Variants in TMPO observed in about 807,000 individuals in gnomAD.
TMPO encodes LEM domain containing 4.
A neutral mutation model predicts 45.4 loss-of-function variants in TMPO; 22 were observed. That is an observed-to-expected ratio of 0.48 (90% CI 0.35 to 0.69). The LOEUF (loss-of-function observed/expected upper bound fraction) is 0.69. Among genes scored for constraint, TMPO ranks in the 30% least tolerant of loss-of-function variants. The pLI, the probability that TMPO is intolerant of heterozygous loss-of-function variation, is 0.01. For synonymous variants in TMPO, 241 were observed against 204.1 expected, an observed-to-expected ratio of 1.18 and a Z score of -1.54; for missense variants, 512 against 548.8, an observed-to-expected ratio of 0.93 and a Z score of 0.67.
chr12:98,533,146 C>T, intron 3 of TMPO: 1 of 1,614,136 alleles, frequency 6.2e-7, no homozygotes, highest in Non-Finnish European at 8.5e-7. Context: ...GTCATCTTCT[C>T]AGCCTGAACA....
In TMPO at chr12:98,544,871, A is replaced by G. The variant is rs1878128196; in HGVS notation, c.880-80A>G. 2.5e-6 allele frequency: 3 copies of G among 1,178,832 alleles called. No individual in the cohort carries two copies. The Admixed American group carries it at 5.1e-5, about 20-fold the overall frequency. 73.0% of individuals were successfully genotyped at this position (1,178,832 alleles called of 1,614,324 possible). On this transcript the variant is annotated intron_variant, in intron 6 of 8. Coordinates refer to ENST00000556029, the MANE Select transcript of TMPO (RefSeq NM_001032283.3). ...AGGGAAAATTTCTAATATTACAGAG[A>G]TAAAATATCTTTCTTTTCTTTTTAA...
intron 1 of TMPO, among the ~76,000 whole-genome samples, chr12:98,518,388 C>T (rs760408809): frequency 1.2e-4 from 18 of 151,680 alleles, no homozygotes; most frequent in Non-Finnish European, 7.4e-5. Flanking sequence ...AACTCTTTGG[C>T]TCACGAGAGC....
At chr12:98,544,713 A>G (rs1056460574) in intron 6 of TMPO, 176 bp downstream of exon 6, 9 of 653,320 alleles carry the variant, frequency 1.4e-5, no homozygotes, top group South Asian at 3.9e-5. Flanking sequence ...ATAATATCCA[A>G]TTTATGTAAA....
chr12:98,518,873 T>G (rs1253626626), intron 1 of TMPO, among the ~76,000 whole-genome samples: 1 of 149,242 alleles, frequency 6.7e-6, no homozygotes, highest in African/African-American at 2.4e-5. Flanking sequence ...AAATAAGTTT[T>G]GAGTAAAATG....
At chr12:98,545,463 G>A (rs537313312) in intron 7 of TMPO, among the ~76,000 whole-genome samples, 6 of 152,266 alleles carry the variant, frequency 3.9e-5, no homozygotes, top group African/African-American at 1.2e-4. Context: ...GCTGGAATGG[G>A]TTAACTCCTG....
chr12:98,519,370 T>G (rs1876152728), intron 1 of TMPO, among the ~76,000 whole-genome samples: 1 of 152,136 alleles, frequency 6.6e-6, no homozygotes, highest in Admixed American at 6.6e-5. Context: ...GGCTAATTTT[T>G]GTATTTTTAG....
intron 3 of TMPO, chr12:98,533,701 C>T: frequency 6.2e-7 from 1 of 1,614,166 alleles, no homozygotes; most frequent in African/African-American, 1.3e-5. Flanking sequence ...GCAATCACAG[C>T]ATGATAAAAT....
intron 3 of TMPO, chr12:98,533,813 A>G (rs1263771268): frequency 3.7e-6 from 6 of 1,614,240 alleles, no homozygotes; most frequent in Admixed American, 1.7e-5. Context: ...CTGGCATGCA[A>G]ATATCCAGTT....
rs1459534403 is a variant in TMPO at position 98,516,140 on chromosome 12, C to A, written c.273C>A (p.Val91=). The A allele has an allele frequency of 1.4e-6, 2 of 1,460,432 alleles. No individual in the cohort carries two copies. Among genetic ancestry groups the A allele is most frequent in the African/African-American group, 2.9e-5 (2 of 67,852 alleles). 90.5% of individuals were successfully genotyped at this position (1,460,432 alleles called of 1,614,324 possible). The stretch of plus-strand genomic sequence containing the variant: ...CCGCGGGCCGGAGCCGAGCAGCCGT[C>A]GGCAGGGTAAGGACGCGGGGCCGGG... ...AAAAGRSRAA[V]GRKATKKTDK... The change falls in exon 1 of 9, where the codon GTC becomes GTA. Residue 91 remains valine, a synonymous_variant. Coordinates refer to ENST00000556029, the MANE Select transcript of TMPO (RefSeq NM_001032283.3).
intron 1 of TMPO, among the ~76,000 whole-genome samples, chr12:98,525,253 T>C (rs1876678323): frequency 6.6e-6 from 1 of 152,140 alleles, no homozygotes; most frequent in South Asian, 2.1e-4. Context: ...GTCAGTGCAA[T>C]GTATGTGAAT....
At chr12:98,527,610 C>T in intron 1 of TMPO, 1 of 271,542 alleles carries the variant, frequency 3.7e-6, no homozygotes, top group Non-Finnish European at 6.9e-6. Context: ...ATTTTTGATG[C>T]CATTACTATC....
chr12:98,548,002 A>AAT lies in TMPO; in HGVS notation c.*152_*153dup, dbSNP rs1464854331. The AAT allele has an allele frequency of 2.2e-6, 2 of 901,508 alleles. No homozygotes were observed. The highest frequency in any genetic ancestry group is 5.1e-5 in the East Asian group (2 of 39,284). 55.8% of individuals were successfully genotyped at this position (901,508 alleles called of 1,614,324 possible). A position where few individuals can be genotyped will look rare whatever the true frequency, so the allele number is the denominator to read the frequency against. ...TAGTATTTCATTGAAAAGCAAACAAAATATATATAAATGGACTTCATTAAA... is the reference window on the plus strand; with the variant it reads ...TAGTATTTCATTGAAAAGCAAACAAAATATATATATAAATGGACTTCATTAAA... On this transcript the variant is annotated 3_prime_UTR_variant, in exon 9 of 9. Coordinates refer to ENST00000556029, the MANE Select transcript of TMPO (RefSeq NM_001032283.3).
rs182562849 is a variant in TMPO at position 98,523,857 on chromosome 12, G to A, written c.280-4029G>A. Among the ~76,000 whole-genome samples the A allele has an allele frequency of 2.4e-3, 363 of 152,110 alleles. 4 individuals are homozygous for A. Among genetic ancestry groups the A allele is most frequent in the African/African-American group, 8.4e-3 (349 of 41,506 alleles). On this transcript the variant is annotated intron_variant, in intron 1 of 8. Transcript: ENST00000556029. Reference sequence around the variant, plus strand: ...CACCTGGCTAATTTTTGTATTTTTAGTAGAGATGGGGTTTCACCGTGTTGG... The same window carrying A: ...CACCTGGCTAATTTTTGTATTTTTAATAGAGATGGGGTTTCACCGTGTTGG...
At chr12:98,516,455 G>A (rs1875833850) in intron 1 of TMPO, 2 of 1,143,566 alleles carry the variant, frequency 1.7e-6, no homozygotes, top group East Asian at 8.8e-5. Context: ...TGCAGCGGGC[G>A]TTTAGACGGG....
rs1876884880 is a variant in TMPO, at chr12:98,527,726, C to A, written c.280-160C>A. 6 of 715,398 alleles carry A rather than the reference C, an allele frequency of 8.4e-6. No individual in the cohort carries two copies. The South Asian group carries it at 8.7e-5, about 10-fold the overall frequency. The allele number at this position is 715,398 out of a possible 1,614,324, so 44.3% of individuals were successfully genotyped here. The stretch of plus-strand genomic sequence containing the variant: ...ATTACAGTTCAACTTAGAAAGTGTT[C>A]TCCAATAATGAGTTGCTCTTAATTT... On this transcript the variant is annotated intron_variant, in intron 1 of 8. Coordinates refer to ENST00000556029, the MANE Select transcript of TMPO (RefSeq NM_001032283.3).
At chr12:98,526,918 G>A (rs533198168) in intron 1 of TMPO, among the ~76,000 whole-genome samples, 1 of 151,582 alleles carries the variant, frequency 6.6e-6, no homozygotes, top group Non-Finnish European at 1.5e-5. Context: ...AGATTGCACC[G>A]CTGCGCTCCA....
chr12:98,525,605 G>A (rs1231107146), intron 1 of TMPO, among the ~76,000 whole-genome samples: 1 of 152,020 alleles, frequency 6.6e-6, no homozygotes, highest in Non-Finnish European at 1.5e-5. Flanking sequence ...GCCGGGCGTG[G>A]TGGTGCACAC....
At chr12:98,529,550 G>A (rs1877035652) in intron 2 of TMPO, among the ~76,000 whole-genome samples, 3 of 152,076 alleles carry the variant, frequency 2.0e-5, no homozygotes, top group Non-Finnish European at 4.4e-5. Flanking sequence ...ACCTCAAGAT[G>A]AGAAAATTCC....
intron 1 of TMPO, 42 bp downstream of exon 1, chr12:98,516,188 G>T (rs1875788517): frequency 1.5e-6 from 2 of 1,323,092 alleles, no homozygotes; most frequent in Admixed American, 4.1e-5. Context: ...GGCGTTTGGC[G>T]GTTGCCGCGC....
Sources: gnomAD v4.1 joint callset for allele counts (sites outside exome capture counted in the v4.1 genomes callset) on GRCh38, gnomAD v4.1.1 for gene constraint, MANE v1.5 for transcripts, NCBI Gene and HGNC (gene_info 2026-07-23, HGNC 2026-07-21) for gene names.